ACVR1: variants seen among roughly 807,000 people sequenced by gnomAD.
ACVR1 encodes the protein activin A receptor type 1.
A neutral mutation model predicts 57.1 loss-of-function variants in ACVR1; 38 were observed. The observed-to-expected ratio is 0.67, with a 90% CI of 0.51 to 0.87. The LOEUF (loss-of-function observed/expected upper bound fraction) is 0.87, where lower values mean the gene tolerates loss of function less well. Ranked by LOEUF, ACVR1 falls within the 40% of genes least tolerant of loss-of-function variation. The pLI, the probability that ACVR1 is intolerant of heterozygous loss-of-function variation, is 0.00. For missense variants in ACVR1, 463 were observed against 638.2 expected (o/e 0.73, Z 2.96); for synonymous variants, 212 against 228.1 (o/e 0.93, Z 0.63).
chr2:157,804,339 C>G (rs1347205141), intron 2 of ACVR1, among the ~76,000 whole-genome samples: 1 of 152,124 alleles, frequency 6.6e-6, no homozygotes, highest in Non-Finnish European at 1.5e-5. Flanking sequence ...CAGACGTCAA[C>G]AAGTCCAACA....
Position 157,850,283 on chromosome 2 carries a change from G to C in ACVR1, c.-183+25513C>G, listed in dbSNP as rs553023346. 6.3e-4 allele frequency among the ~76,000 whole-genome samples: 95 copies of C among 151,720 alleles called. No individual in the cohort carries two copies. In the South Asian group the frequency reaches 0.019, roughly 30 times the overall value. ...TGCACACCTGTAGTCCAAACTACTCGGGAGGCTGAGGCAGGAGAATCATTT... is the reference window on the plus strand; with the variant it reads ...TGCACACCTGTAGTCCAAACTACTCCGGAGGCTGAGGCAGGAGAATCATTT... On this transcript the variant is annotated intron_variant, in intron 1 of 10. Coordinates refer to ENST00000434821, the MANE Select transcript of ACVR1 (RefSeq NM_001111067.4).
At chr2:157,855,900 A>C (rs1052873701) in intron 1 of ACVR1, among the ~76,000 whole-genome samples, 6 of 152,168 alleles carry the variant, frequency 3.9e-5, no homozygotes, top group African/African-American at 1.4e-4. Flanking sequence ...TCTGATGACC[A>C]AACATTAACT....
intron 1 of ACVR1, chr2:157,874,928 C>G (rs1690231911): frequency 6.7e-6 from 1 of 149,664 alleles, no homozygotes; most frequent in Non-Finnish European, 1.5e-5. Flanking sequence ...TCTTCTGTTA[C>G]TAAGTGGAAC....
At chr2:157,869,851 G>A (rs532025189) in intron 1 of ACVR1, among the ~76,000 whole-genome samples, 1 of 152,226 alleles carries the variant, frequency 6.6e-6, no homozygotes, top group African/African-American at 2.4e-5. Flanking sequence ...GAAAAGGAAG[G>A]TGTCACTCTA....
At chr2:157,790,627 C>T (rs1047929712) in intron 3 of ACVR1, among the ~76,000 whole-genome samples, 1 of 152,200 alleles carries the variant, frequency 6.6e-6, no homozygotes, top group African/African-American at 2.4e-5. Flanking sequence ...TTGTGAGCCA[C>T]CTGTAACAGT....
chr2:157,863,259 C>G (rs933849700), intron 1 of ACVR1, among the ~76,000 whole-genome samples: 1 of 148,054 alleles, frequency 6.8e-6, no homozygotes, highest in Non-Finnish European at 1.5e-5. Flanking sequence ...GTGATCTGGC[C>G]TCCTCTGCCT....
intron 1 of ACVR1, among the ~76,000 whole-genome samples, chr2:157,871,176 A>C (rs1459647213): frequency 1.3e-5 from 2 of 152,232 alleles, no homozygotes; most frequent in African/African-American, 2.4e-5. Context: ...GGAGGAATGA[A>C]CAACTTGAAG....
intron 4 of ACVR1, among the ~76,000 whole-genome samples, chr2:157,779,586 T>G (rs1314190575): frequency 1.3e-5 from 2 of 152,222 alleles, no homozygotes; most frequent in Non-Finnish European, 2.9e-5. Flanking sequence ...TTCTTTTTTC[T>G]GAGTGCAAAA....
At chr2:157,778,077 G>A (rs1046291109) in intron 5 of ACVR1, 54 bp downstream of exon 5, 11 of 1,575,110 alleles carry the variant, frequency 7.0e-6, no homozygotes, top group Admixed American at 3.3e-5. Flanking sequence ...AAATAAGAAC[G>A]TGTCTCCAGA....
At chr2:157,828,311 A>G (rs1466847484) in intron 1 of ACVR1, among the ~76,000 whole-genome samples, 3 of 152,102 alleles carry the variant, frequency 2.0e-5, no homozygotes, top group African/African-American at 7.2e-5. Context: ...TTAGCCAAGC[A>G]TGATGGCGGA....
At position 157,788,220 on chromosome 2, in the gene ACVR1, C is replaced by T. The variant is rs148027245; in HGVS notation, c.68-7620G>A. ...AACTTCCAGACTACAGTAGTCCCCA[C>T]TTATCCCCCCTTATGCACCGTTTCA... On this transcript the variant is annotated intron_variant, in intron 3 of 10. Transcript: ENST00000434821. Among the ~76,000 whole-genome samples, 15 of 152,306 alleles carry T rather than the reference C, an allele frequency of 9.8e-5. No individual in the cohort carries two copies. In the South Asian group the frequency reaches 2.9e-3, roughly 29 times the overall value.
chr2:157,743,032 C>G (rs1361810474), intron 9 of ACVR1, among the ~76,000 whole-genome samples: 1 of 152,174 alleles, frequency 6.6e-6, no homozygotes, highest in Non-Finnish European at 1.5e-5. Flanking sequence ...CATTCCCCAC[C>G]ACTGTCCTTC....
intron 2 of ACVR1, among the ~76,000 whole-genome samples, 194 bp from the exon 3 acceptor site, chr2:157,799,694 T>C (rs953524313): frequency 6.6e-6 from 1 of 152,202 alleles, no homozygotes; most frequent in African/African-American, 2.4e-5. Flanking sequence ...AAAGAGTTAG[T>C]CATATTCACT....
At chr2:157,850,568 G>C (rs1006112478) in intron 1 of ACVR1, among the ~76,000 whole-genome samples, 5 of 152,092 alleles carry the variant, frequency 3.3e-5, no homozygotes, top group African/African-American at 1.2e-4. Flanking sequence ...TCCTAAGCTG[G>C]CAGTTCAAGG....
chr2:157,828,591 G>C (rs191902467), intron 1 of ACVR1, among the ~76,000 whole-genome samples: 64 of 152,214 alleles, frequency 4.2e-4, no homozygotes, highest in Admixed American at 8.5e-4. Flanking sequence ...TCCAGCCTGG[G>C]CAACAGAGGG....
chr2:157,739,479 T>C (rs937861924), intron 9 of ACVR1, among the ~76,000 whole-genome samples: 12 of 152,216 alleles, frequency 7.9e-5, no homozygotes, highest in Non-Finnish European at 1.2e-4. Flanking sequence ...TTCCCCTTCA[T>C]AGAAATAAAA....
At chr2:157,777,090 A>G (rs2105276204) in intron 5 of ACVR1, among the ~76,000 whole-genome samples, 1 of 152,288 alleles carries the variant, frequency 6.6e-6, no homozygotes, top group Non-Finnish European at 1.5e-5. Flanking sequence ...TTTGCACTTT[A>G]TGATAACCTT....
chr2:157,865,157 G>T (rs1003599716), intron 1 of ACVR1, among the ~76,000 whole-genome samples: 4 of 148,230 alleles, frequency 2.7e-5, no homozygotes, highest in African/African-American at 9.9e-5. Flanking sequence ...AAAAAAGAGT[G>T]AGACTGAGAG....
intron 2 of ACVR1, among the ~76,000 whole-genome samples, chr2:157,808,879 T>TA (rs71404307): frequency 0.63 from 86,837 of 137,946 alleles, 32,019 homozygotes; most frequent in East Asian, 0.89. Context: ...GTAATACATT[T>TA]AAAAAAAAAA....
Sources: allele counts gnomAD v4.1 joint callset (sites outside exome capture counted in the v4.1 genomes callset), GRCh38; gene constraint gnomAD v4.1.1; transcripts MANE v1.5; gene names NCBI Gene and HGNC (gene_info 2026-07-23, HGNC 2026-07-21).